The following PTPRG variants were observed in gnomAD, a reference collection of about 807,000 sequenced individuals.
The protein encoded by PTPRG is receptor-type tyrosine-protein phosphatase gamma.
PTPRG carries 102 observed loss-of-function variants against 165.3 expected under a neutral mutation model. That is an observed-to-expected ratio of 0.62 (90% confidence interval 0.53 to 0.73). The LOEUF (loss-of-function observed/expected upper bound fraction) is 0.73, where lower values mean the gene tolerates loss of function less well. Ranked by LOEUF, PTPRG falls within the 30% of genes least tolerant of loss-of-function variation. PTPRG has a pLI of 0.00. For missense variants in PTPRG, 1,866 were observed against 1,861.4 expected (o/e 1.00, Z -0.05); for synonymous variants, 675 against 669.5 (o/e 1.01, Z -0.13).
At chr3:61,612,745 A>G (rs1701206260) in intron 1 of PTPRG, among the ~76,000 whole-genome samples, 1 of 152,222 alleles carries the variant, frequency 6.6e-6, no homozygotes, top group South Asian at 2.1e-4. Flanking sequence ...AGGATAATCA[A>G]TGGAAAGAGA....
chr3:62,292,972 A>G (rs1702953196), intron 29 of PTPRG, among the ~76,000 whole-genome samples, 189 bp from the exon 30 acceptor site: 1 of 152,204 alleles, frequency 6.6e-6, no homozygotes, highest in South Asian at 2.1e-4. Flanking sequence ...TCAAAAGGAC[A>G]TGAAGAAGGT....
rs17634074 is a variant in PTPRG at position 62,203,763 on chromosome 3, G to A, written c.1968G>A (p.Thr656=). 18 of 1,609,084 alleles carry A rather than the reference G, an allele frequency of 1.1e-5. No homozygotes were observed. The highest frequency in any genetic ancestry group is 1.0e-4 in the Admixed American group (6 of 59,238). The change falls in exon 12 of 30, where the codon ACG becomes ACA. Residue 656 remains threonine, a synonymous_variant. Transcript: ENST00000474889. The surrounding 1 kb of genome is among the most constrained non-coding windows in gnomAD (Gnocchi z 6.4). ...ACACTGCCGTCCCCACAGACCAGAC[G>A]GGCGGAAGGAGGGATGCCGGCCCAG... ...QDHTAVPTDQ[T]GGRRDAGPGL... is the part of the protein sequence containing the mutation.
At chr3:61,570,733 C>T (rs1028139584) in intron 1 of PTPRG, among the ~76,000 whole-genome samples, 1 of 152,180 alleles carries the variant, frequency 6.6e-6, no homozygotes, top group South Asian at 2.1e-4. Flanking sequence ...GGAAATATTA[C>T]TGACTTTTTA....
chr3:62,075,588 A>T (rs569023782), intron 4 of PTPRG, among the ~76,000 whole-genome samples: 1 of 152,218 alleles, frequency 6.6e-6, no homozygotes, highest in Non-Finnish European at 1.5e-5. Context: ...TCCTTCTCCC[A>T]TGTACTTAGG....
chr3:61,940,504 C>A (rs2039594485), intron 2 of PTPRG, among the ~76,000 whole-genome samples: 1 of 152,070 alleles, frequency 6.6e-6, no homozygotes, highest in South Asian at 2.1e-4. Context: ...TTCCTCCTTT[C>A]TGCCCTGGTT....
intron 4 of PTPRG, among the ~76,000 whole-genome samples, chr3:62,049,490 G>A (rs553676277): frequency 1.3e-5 from 2 of 152,286 alleles, no homozygotes; most frequent in East Asian, 3.9e-4. Flanking sequence ...GATGCTCGCT[G>A]TTTCATGTAA....
intron 2 of PTPRG, among the ~76,000 whole-genome samples, chr3:61,849,483 G>C (rs2036899019): frequency 6.6e-6 from 1 of 152,158 alleles, no homozygotes; most frequent in East Asian, 1.9e-4. Flanking sequence ...AGATGGATTT[G>C]AAATAAAACA....
chr3:62,084,974 C>T (rs1436514183), intron 5 of PTPRG, among the ~76,000 whole-genome samples: 2 of 152,096 alleles, frequency 1.3e-5, no homozygotes, highest in African/African-American at 2.4e-5. Flanking sequence ...AAAGGGACAG[C>T]CTAATAGCTT....
At position 61,639,637 on chromosome 3, in the gene PTPRG, G is replaced by A. The variant is rs572999116; in HGVS notation, c.85+77265G>A. Among the ~76,000 whole-genome samples the A allele has an allele frequency of 2.6e-5, 4 of 152,134 alleles. No individual in the cohort carries two copies. The South Asian group carries it at 6.2e-4, about 24-fold the overall frequency. Reference sequence around the variant, plus strand: ...CAATCTTTCACCTGCTTGATTAGATGTATTCCTAGGTATTTTATTCTTTTT... The same window carrying A: ...CAATCTTTCACCTGCTTGATTAGATATATTCCTAGGTATTTTATTCTTTTT... On this transcript the variant is annotated intron_variant, in intron 1 of 29. Coordinates refer to ENST00000474889, the MANE Select transcript of PTPRG (RefSeq NM_002841.4).
At chr3:61,806,100 C>A (rs1017973565) in intron 2 of PTPRG, among the ~76,000 whole-genome samples, 6 of 152,142 alleles carry the variant, frequency 3.9e-5, no homozygotes, top group Admixed American at 3.9e-4. Flanking sequence ...AATTGATAAG[C>A]ATCGAATATA....
chr3:62,167,941 T>TC (rs1039111085), intron 7 of PTPRG, 30 bp from the exon 8 acceptor site: 27 of 1,566,296 alleles, frequency 1.7e-5, no homozygotes, highest in Middle Eastern at 2.1e-4. Flanking sequence ...GTTTTTTTTT[T>TC]CCCCCTCCCC....
intron 2 of PTPRG, chr3:61,750,433 G>C (rs1442692598): frequency 6.6e-6 from 1 of 152,210 alleles, no homozygotes; most frequent in East Asian, 1.9e-4. Flanking sequence ...ATGTAGTTAA[G>C]AATGACCATA....
chr3:62,262,461 T>C (rs1701728404), intron 16 of PTPRG: 1 of 176,000 alleles, frequency 5.7e-6, no homozygotes, highest in South Asian at 1.6e-4. Context: ...CTCAGGCCTC[T>C]TTTGTATTCA....
In PTPRG at chr3:62,276,026, A is replaced by G. The variant is rs116018141; in HGVS notation, c.3559+60A>G. 7,246 of 1,260,748 alleles carry G rather than the reference A, an allele frequency of 5.7e-3. 54 individuals are homozygous for G. The highest frequency in any genetic ancestry group is 0.028 in the Middle Eastern group (148 of 5,258). 78.1% of individuals were successfully genotyped at this position (1,260,748 alleles called of 1,614,324 possible). A position where few individuals can be genotyped will look rare whatever the true frequency, so the allele number is the denominator to read the frequency against. On this transcript the variant is annotated intron_variant, in intron 24 of 29. Coordinates refer to ENST00000474889, the MANE Select transcript of PTPRG (RefSeq NM_002841.4). ...ATACTGGATTGTATGTTAGGTACAG[A>G]GGCAGCCACTACTCTGATGCTATTG... is the stretch of plus-strand genomic sequence containing the variant.
intron 1 of PTPRG, among the ~76,000 whole-genome samples, chr3:61,710,326 AT>A (rs1348140410): frequency 1.3e-5 from 2 of 152,202 alleles, no homozygotes; most frequent in East Asian, 3.8e-4. Flanking sequence ...AATTATTGAT[AT>A]TTCACTATGT....
chr3:61,657,464 G>A (rs773635500), intron 1 of PTPRG, among the ~76,000 whole-genome samples: 7 of 149,936 alleles, frequency 4.7e-5, no homozygotes, highest in Non-Finnish European at 7.4e-5. Context: ...AAGAGCCCCC[G>A]TCTCTACACA....
chr3:61,650,769 CTTAA>C (rs1376078070), intron 1 of PTPRG, among the ~76,000 whole-genome samples: 2 of 152,120 alleles, frequency 1.3e-5, no homozygotes, highest in African/African-American at 2.4e-5. Flanking sequence ...TTTTCAAACA[CTTAA>C]TTGTTTAACT....
At chr3:61,889,055 A>T (rs1291013816) in intron 2 of PTPRG, among the ~76,000 whole-genome samples, 1 of 152,200 alleles carries the variant, frequency 6.6e-6, no homozygotes, top group East Asian at 1.9e-4. Flanking sequence ...TAAAGCTAAT[A>T]ATGTTTTCTC....
intron 3 of PTPRG, among the ~76,000 whole-genome samples, chr3:61,997,346 A>G (rs1040451455): frequency 6.6e-6 from 1 of 152,030 alleles, no homozygotes; most frequent in African/African-American, 2.4e-5. Flanking sequence ...CTCTCTCTCA[A>G]GCATATCAAG....
Sources: gnomAD v4.1 joint callset for allele counts (sites outside exome capture counted in the v4.1 genomes callset) on GRCh38, gnomAD v4.1.1 for gene constraint, Gnocchi (gnomAD v3.1) non-coding constraint, MANE v1.5 for transcripts, NCBI Gene and HGNC (gene_info 2026-07-23, HGNC 2026-07-21) for gene names.